EPHA6: variants seen among roughly 807,000 people sequenced by gnomAD.
EPHA6 encodes EPH receptor A6.
In EPHA6, 50 loss-of-function variants were observed where a neutral mutation model predicts 112.0. That is an observed-to-expected ratio of 0.45 (90% confidence interval 0.36 to 0.56). The LOEUF is 0.56. Ranked by LOEUF, EPHA6 falls within the 20% of genes least tolerant of loss-of-function variation. The pLI is 0.00. For synonymous variants in EPHA6, 529 were observed against 490.7 expected (o/e 1.08, Z -1.03); for missense variants, 1,280 against 1,417.4 (o/e 0.90, Z 1.56).
intron 3 of EPHA6, among the ~76,000 whole-genome samples, chr3:97,108,008 A>G (rs1191236822): frequency 6.6e-6 from 1 of 152,210 alleles, no homozygotes; most frequent in Non-Finnish European, 1.5e-5. Flanking sequence ...GTTATTGTAT[A>G]TAAGGGACCT....
At chr3:97,036,943 C>T (rs747627077) in intron 3 of EPHA6, among the ~76,000 whole-genome samples, 7 of 151,836 alleles carry the variant, frequency 4.6e-5, no homozygotes, top group African/African-American at 7.3e-5. Flanking sequence ...TTATGTGACT[C>T]GCCGACCCCT....
chr3:97,229,752 C>T (rs9859808), intron 4 of EPHA6, among the ~76,000 whole-genome samples: 24,683 of 151,994 alleles, frequency 0.16, 4,713 homozygotes, highest in African/African-American at 0.44. Context: ...TTTTATGGAA[C>T]ACATTTAATA....
chr3:97,198,418 T>C (rs2077494781), intron 3 of EPHA6, among the ~76,000 whole-genome samples: 1 of 152,132 alleles, frequency 6.6e-6, no homozygotes, highest in African/African-American at 2.4e-5. Flanking sequence ...TCTGAAGTGC[T>C]TCCAATTCTG....
chr3:97,048,501 A>T (rs921066564), intron 3 of EPHA6, among the ~76,000 whole-genome samples: 1 of 152,190 alleles, frequency 6.6e-6, no homozygotes, highest in Non-Finnish European at 1.5e-5. Flanking sequence ...AATTGAACAT[A>T]AAGATTATTC....
Position 96,926,317 on chromosome 3 carries a change from C to T in EPHA6, c.450+59428C>T, listed in dbSNP as rs199715784. On this transcript the variant is annotated intron_variant, in intron 2 of 17. Transcript: ENST00000389672. ...GTCACCTCCCACCAGGCCCCTTCCT[C>T]GACACATGGGGATTACAATTAGAGA... Among the ~76,000 whole-genome samples the T allele has an allele frequency of 9.2e-5, 14 of 152,208 alleles. No homozygotes were observed. The East Asian group carries it at 2.1e-3, about 23-fold the overall frequency.
At chr3:97,503,819 A>G (rs1390446132) in intron 10 of EPHA6, among the ~76,000 whole-genome samples, 3 of 152,148 alleles carry the variant, frequency 2.0e-5, no homozygotes, top group African/African-American at 7.2e-5. Context: ...AAGTTTCATT[A>G]TGTTTACATA....
At chr3:97,611,615 C>A (rs1392154014) in intron 13 of EPHA6, among the ~76,000 whole-genome samples, 1 of 151,624 alleles carries the variant, frequency 6.6e-6, no homozygotes, top group Non-Finnish European at 1.5e-5. Flanking sequence ...AAATATTTTT[C>A]ATCCCCAGCA....
chr3:97,421,765 A>G (rs1317038561), intron 6 of EPHA6, among the ~76,000 whole-genome samples: 1 of 152,188 alleles, frequency 6.6e-6, no homozygotes, highest in Non-Finnish European at 1.5e-5. Context: ...GCACAATGAG[A>G]CAGCAAGACC....
intron 5 of EPHA6, among the ~76,000 whole-genome samples, chr3:97,404,717 C>G (rs1232872893): frequency 2.6e-5 from 4 of 151,994 alleles, no homozygotes; most frequent in African/African-American, 7.2e-5. Context: ...TTTTTTGAAG[C>G]CTTAAAATGT....
At chr3:97,055,890 C>T (rs2045836676) in intron 3 of EPHA6, among the ~76,000 whole-genome samples, 1 of 152,064 alleles carries the variant, frequency 6.6e-6, no homozygotes, top group Non-Finnish European at 1.5e-5. Context: ...CTCAATTTTG[C>T]ATTTTTAACT....
At chr3:97,673,157 C>T (rs2031020400) in intron 14 of EPHA6, among the ~76,000 whole-genome samples, 1 of 152,202 alleles carries the variant, frequency 6.6e-6, no homozygotes, top group African/African-American at 2.4e-5. Flanking sequence ...TTCCCACCAG[C>T]AGTTTCTGTT....
intron 3 of EPHA6, among the ~76,000 whole-genome samples, chr3:97,105,507 T>C (rs1018047404): frequency 1.3e-5 from 2 of 152,180 alleles, no homozygotes; most frequent in African/African-American, 2.4e-5. Flanking sequence ...TGGACTATTG[T>C]CCAATAGTGT....
chr3:97,062,226 A>G (rs2046044871), intron 3 of EPHA6, among the ~76,000 whole-genome samples: 1 of 152,188 alleles, frequency 6.6e-6, no homozygotes, highest in South Asian at 2.1e-4. Context: ...TCAGGGTCTA[A>G]TAAGGAGACA....
chr3:97,677,887 T>G (rs566482184), intron 14 of EPHA6, among the ~76,000 whole-genome samples: 5 of 152,190 alleles, frequency 3.3e-5, no homozygotes, highest in African/African-American at 1.2e-4. Context: ...AGAACTGTAA[T>G]TAAACAGGAA....
Position 97,475,070 on chromosome 3 carries a change from C to T in EPHA6, c.1895-282C>T, listed in dbSNP as rs574399526. 2.4e-4 allele frequency among the ~76,000 whole-genome samples: 37 copies of T among 152,152 alleles called. No individual in the cohort carries two copies. The South Asian group carries it at 6.8e-3, about 28-fold the overall frequency. On this transcript the variant is annotated intron_variant, in intron 7 of 17. Transcript: ENST00000389672. ...TGCTGATTTAGTTTTACAGCACATA[C>T]TTAATCTTAAAATAAGGGGTACTAA...
intron 5 of EPHA6, among the ~76,000 whole-genome samples, chr3:97,401,944 A>C (rs991394063): frequency 2.0e-5 from 3 of 151,786 alleles, no homozygotes; most frequent in Non-Finnish European, 4.4e-5. Context: ...ATTTTGTTTA[A>C]TTTCCACGTG....
intron 11 of EPHA6, among the ~76,000 whole-genome samples, chr3:97,563,254 G>A (rs897388211): frequency 6.6e-6 from 1 of 152,140 alleles, no homozygotes; most frequent in Non-Finnish European, 1.5e-5. Flanking sequence ...GTGAGGAAAG[G>A]CTTATTGGAG....
intron 14 of EPHA6, among the ~76,000 whole-genome samples, chr3:97,668,434 G>A (rs746349163): frequency 3.3e-5 from 5 of 152,214 alleles, no homozygotes; most frequent in South Asian, 2.1e-4. Context: ...TGCTTGAACC[G>A]TTGGTTATTA....
chr3:97,278,664 A>T (rs1042245020), intron 5 of EPHA6, among the ~76,000 whole-genome samples: 10 of 152,226 alleles, frequency 6.6e-5, no homozygotes, highest in Admixed American at 6.5e-4. Context: ...ATCACCAAGA[A>T]AAACAACACA....
Sources: allele counts gnomAD v4.1 joint callset (sites outside exome capture counted in the v4.1 genomes callset), GRCh38; gene constraint gnomAD v4.1.1; transcripts MANE v1.5; gene names NCBI Gene and HGNC (gene_info 2026-07-23, HGNC 2026-07-21).